SUMF1: variants seen among roughly 807,000 people sequenced by gnomAD.
SUMF1 encodes the protein sulfatase modifying factor 1.
A neutral mutation model predicts 47.6 loss-of-function variants in SUMF1; 48 were observed. The ratio of observed to expected loss-of-function variants is 1.01; its 90% CI spans 0.80 to 1.28. The LOEUF (loss-of-function observed/expected upper bound fraction) is 1.28, where lower values mean the gene tolerates loss of function less well. Ranked by LOEUF, SUMF1 falls within the 50% of genes most tolerant of loss-of-function variation. The pLI, the probability that SUMF1 is intolerant of heterozygous loss-of-function variation, is 0.00. For synonymous variants in SUMF1, 230 were observed against 192.1 expected, an observed-to-expected ratio of 1.20 and a Z score of -1.63; for missense variants, 571 against 485.4, an observed-to-expected ratio of 1.18 and a Z score of -1.66.
chr3:4,200,058 T>G (rs1463036890), intron 8 of SUMF1, among the ~76,000 whole-genome samples: 1 of 152,200 alleles, frequency 6.6e-6, no homozygotes, highest in South Asian at 2.1e-4. Flanking sequence ...TAGCCCAAGG[T>G]CACAAATTTT....
chr3:4,258,293 A>C (rs1413945361), intron 8 of SUMF1, among the ~76,000 whole-genome samples: 1 of 147,856 alleles, frequency 6.8e-6, no homozygotes, highest in African/African-American at 2.6e-5. Context: ...GCTTCTGCAC[A>C]GCAAAAGAAA....
At chr3:4,443,977 A>G (rs1435726227) in intron 3 of SUMF1, among the ~76,000 whole-genome samples, 3 of 152,182 alleles carry the variant, frequency 2.0e-5, no homozygotes, top group Admixed American at 6.5e-5. Context: ...CTTCTACCCC[A>G]TACCTGAGAA....
At chr3:4,385,437 TC>T (rs1202411146) in intron 7 of SUMF1, among the ~76,000 whole-genome samples, 1 of 152,156 alleles carries the variant, frequency 6.6e-6, no homozygotes, top group Non-Finnish European at 1.5e-5. Flanking sequence ...TTCTGTGGTG[TC>T]TCTTCATGTC....
chr3:4,210,731 G>A lies in SUMF1; in HGVS notation c.1015-141986C>T, dbSNP rs149222957. Among the ~76,000 whole-genome samples, 171 of 152,138 alleles carry A rather than the reference G, an allele frequency of 1.1e-3. 2 individuals carry two copies. In the South Asian group the frequency reaches 0.018, roughly 16 times the overall value. ...ATCACCCCATGTGATGGTTAACACT[G>A]AGTGTCAACTGGATTGGGTTGAAGG... On this transcript the variant is annotated intron_variant and NMD_transcript_variant, in intron 8 of 12. Coordinates refer to the SUMF1 transcript ENST00000448413.
At position 4,362,004 on chromosome 3, in the gene SUMF1, G is replaced by A. The variant is rs189928088; in HGVS notation, c.*140C>T. 4.6e-4 allele frequency: 347 copies of A among 747,928 alleles called. No homozygotes were observed. In the African/African-American group the frequency reaches 5.3e-3, roughly 11 times the overall value. The allele number at this position is 747,928 out of a possible 1,614,324, so 46.3% of individuals were successfully genotyped here. A position where few individuals can be genotyped will look rare whatever the true frequency, so the allele number is the denominator to read the frequency against. On this transcript the variant is annotated 3_prime_UTR_variant, in exon 9 of 9. Coordinates refer to ENST00000272902, the MANE Select transcript of SUMF1 (RefSeq NM_182760.4). ...GGTCAGCAATTTGGTCTCACAAGGC[G>A]GTTCCTTTGGCCATTGGGCAGGTAT...
chr3:4,169,648 A>G (rs1431521829), intron 8 of SUMF1, among the ~76,000 whole-genome samples: 4 of 152,202 alleles, frequency 2.6e-5, no homozygotes, highest in Admixed American at 1.3e-4. Context: ...AAGCCCTAAC[A>G]AACTAATGCA....
At chr3:4,267,046 G>A (rs1697210261) in intron 8 of SUMF1, among the ~76,000 whole-genome samples, 1 of 152,084 alleles carries the variant, frequency 6.6e-6, no homozygotes, top group Non-Finnish European at 1.5e-5. Flanking sequence ...TGTGCATATT[G>A]AACCAGCCTT....
intron 8 of SUMF1, among the ~76,000 whole-genome samples, chr3:4,306,237 T>A (rs553552525): frequency 6.6e-6 from 1 of 152,338 alleles, no homozygotes; most frequent in African/African-American, 2.4e-5. Context: ...TGTAAAACTA[T>A]GTGCCCGACG....
intron 8 of SUMF1, among the ~76,000 whole-genome samples, chr3:4,288,568 G>A (rs1240400553): frequency 6.6e-6 from 1 of 152,084 alleles, no homozygotes; most frequent in South Asian, 2.1e-4. Flanking sequence ...GAAGCTACAA[G>A]GCTGGCAGAT....
intron 1 of SUMF1, among the ~76,000 whole-genome samples, chr3:4,466,386 A>T (rs935533934): frequency 9.9e-5 from 15 of 150,968 alleles, no homozygotes; most frequent in African/African-American, 3.4e-4. Context: ...CTGGGATTAC[A>T]GGCATGTGAG....
intron 8 of SUMF1, chr3:4,316,803 T>G: frequency 6.4e-7 from 1 of 1,550,734 alleles, no homozygotes; most frequent in South Asian, 1.2e-5. Context: ...TATTTGGTGG[T>G]CTGCTGCTGG....
At chr3:4,201,709 G>A (rs1440521513) in intron 8 of SUMF1, among the ~76,000 whole-genome samples, 1 of 151,946 alleles carries the variant, frequency 6.6e-6, no homozygotes, top group Non-Finnish European at 1.5e-5. Flanking sequence ...GTTTTTTGAG[G>A]AACTTCCATA....
rs202147780 is a variant in SUMF1 at position 4,259,339 on chromosome 3, G to A, written c.1014+116991C>T. Reference sequence around the variant, plus strand: ...TTGTTCCTGTACTTTCATGGCTATTGCAATTTTAGCTTACATTAATATTAC... The same window carrying A: ...TTGTTCCTGTACTTTCATGGCTATTACAATTTTAGCTTACATTAATATTAC... On this transcript the variant is annotated intron_variant and NMD_transcript_variant, in intron 8 of 12. Coordinates refer to the SUMF1 transcript ENST00000448413. 4.7e-4 allele frequency among the ~76,000 whole-genome samples: 71 copies of A among 152,204 alleles called. 1 individual carries two copies. Among genetic ancestry groups the A allele is most frequent in the African/African-American group, 1.6e-3 (68 of 41,522 alleles).
chr3:4,452,095 A>C (rs539084300), intron 2 of SUMF1, among the ~76,000 whole-genome samples: 1 of 152,164 alleles, frequency 6.6e-6, no homozygotes. Context: ...CAAATTATTC[A>C]TTTAATAATA....
At chr3:4,381,653 C>T (rs917919130) in intron 7 of SUMF1, among the ~76,000 whole-genome samples, 2 of 152,252 alleles carry the variant, frequency 1.3e-5, no homozygotes, top group African/African-American at 4.8e-5. Context: ...CTTCCTCACA[C>T]AAACTATGCC....
chr3:4,388,700 G>T lies in SUMF1; in HGVS notation c.955-12311C>A, dbSNP rs7618880. Among the ~76,000 whole-genome samples, 500 of 151,792 alleles carry T rather than the reference G, an allele frequency of 3.3e-3. 3 individuals are homozygous for T. The highest frequency in any genetic ancestry group is 0.01 in the Middle Eastern group (3 of 292). On this transcript the variant is annotated intron_variant, in intron 7 of 8. Coordinates refer to ENST00000272902, the MANE Select transcript of SUMF1 (RefSeq NM_182760.4). ...TTTTAAAAAAGAATTCCATTTTTAT[G>T]TAACTATTGTGCTTTTGAGCATACC...
intron 8 of SUMF1, among the ~76,000 whole-genome samples, chr3:4,300,680 A>G (rs1207831510): frequency 6.6e-6 from 1 of 152,228 alleles, no homozygotes; most frequent in African/African-American, 2.4e-5. Flanking sequence ...GGAGAAAAAA[A>G]AGCAAGTCAC....
intron 8 of SUMF1, among the ~76,000 whole-genome samples, chr3:4,355,088 GC>G (rs1169588140): frequency 6.6e-6 from 1 of 152,158 alleles, no homozygotes; most frequent in Non-Finnish European, 1.5e-5. Flanking sequence ...AGTGGCTCAC[GC>G]CTGTAATCCC....
At chr3:4,306,349 T>A (rs1698190457) in intron 8 of SUMF1, among the ~76,000 whole-genome samples, 1 of 152,192 alleles carries the variant, frequency 6.6e-6, no homozygotes, top group African/African-American at 2.4e-5. Flanking sequence ...CATAAAATCA[T>A]GAGGTTTTCT....
Sources: gnomAD v4.1 joint callset for allele counts (sites outside exome capture counted in the v4.1 genomes callset) on GRCh38, gnomAD v4.1.1 for gene constraint, MANE v1.5 for transcripts, NCBI Gene and HGNC (gene_info 2026-07-23, HGNC 2026-07-21) for gene names.